Variants in STXBP5L observed in about 807,000 individuals in gnomAD.
The protein encoded by STXBP5L is syntaxin-binding protein 5-like.
In STXBP5L, 65 loss-of-function variants were observed where a neutral mutation model predicts 144.5. The observed-to-expected ratio is 0.45, with a 90% CI of 0.37 to 0.55. The LOEUF (loss-of-function observed/expected upper bound fraction) is 0.55. Among genes scored for constraint, STXBP5L ranks in the 20% least tolerant of loss-of-function variants. The pLI, the probability that STXBP5L is intolerant of heterozygous loss-of-function variation, is 0.00. For missense variants in STXBP5L, 1,298 were observed against 1,405.5 expected, an observed-to-expected ratio of 0.92 and a Z score of 1.22; for synonymous variants, 505 against 469.6, an observed-to-expected ratio of 1.08 and a Z score of -0.97.
At chr3:121,393,672 C>T (rs555320036) in intron 22 of STXBP5L, among the ~76,000 whole-genome samples, 6 of 151,964 alleles carry the variant, frequency 3.9e-5, no homozygotes, top group Non-Finnish European at 7.4e-5. Context: ...TTTGCAGAAC[C>T]ATTTATTAAG....
chr3:121,247,624 A>G (rs925334756), intron 14 of STXBP5L, among the ~76,000 whole-genome samples: 2 of 152,186 alleles, frequency 1.3e-5, no homozygotes, highest in African/African-American at 4.8e-5. Context: ...CTCCAGCTCC[A>G]TCCATGTTGC....
Position 121,004,815 on chromosome 3 carries a change from G to A in STXBP5L, c.288-36885G>A, listed in dbSNP as rs1049713746. On this transcript the variant is annotated intron_variant, in intron 3 of 26. Coordinates refer to ENST00000471454, the MANE Select transcript of STXBP5L (RefSeq NM_001308330.2). ...ATGCATCTATTGAGATAATCATGTG[G>A]GTTTTGTCATTGGTTTTATTTATAT... 5.3e-5 allele frequency among the ~76,000 whole-genome samples: 8 copies of A among 152,036 alleles called. 1 individual carries two copies. The highest frequency in any genetic ancestry group is 2.1e-4 in the South Asian group (1 of 4,820).
intron 2 of STXBP5L, among the ~76,000 whole-genome samples, chr3:120,950,836 A>T (rs1344190994): frequency 2.0e-5 from 3 of 151,946 alleles, no homozygotes; most frequent in Non-Finnish European, 4.4e-5. Flanking sequence ...AAAAAGAGCC[A>T]GCATCGCCAA....
At chr3:121,229,466 T>G (rs1375832658) in intron 11 of STXBP5L, among the ~76,000 whole-genome samples, 3 of 152,184 alleles carry the variant, frequency 2.0e-5, no homozygotes, top group Admixed American at 2.0e-4. Context: ...AACCTTAAAT[T>G]TTATTAAAAA....
intron 3 of STXBP5L, among the ~76,000 whole-genome samples, chr3:120,997,024 C>G (rs886115438): frequency 2.0e-5 from 3 of 152,142 alleles, no homozygotes; most frequent in Non-Finnish European, 2.9e-5. Context: ...TCAGCTCCCA[C>G]TTATGTAAGT....
At chr3:120,961,170 C>T (rs997323080) in intron 3 of STXBP5L, among the ~76,000 whole-genome samples, 7 of 145,822 alleles carry the variant, frequency 4.8e-5, no homozygotes, top group South Asian at 2.1e-4. Context: ...AATATAATAT[C>T]TCCTTTTTAG....
chr3:121,374,429 A>G (rs2046123242), intron 20 of STXBP5L, among the ~76,000 whole-genome samples: 2 of 152,192 alleles, frequency 1.3e-5, no homozygotes, highest in African/African-American at 4.8e-5. Flanking sequence ...CTCCAAAGGA[A>G]CACAATAATT....
chr3:121,248,443 T>C (rs985713206), intron 14 of STXBP5L, among the ~76,000 whole-genome samples: 1 of 152,246 alleles, frequency 6.6e-6, no homozygotes, highest in African/African-American at 2.4e-5. Flanking sequence ...TGTCTTCTTT[T>C]GAGAAGCATC....
intron 24 of STXBP5L, among the ~76,000 whole-genome samples, chr3:121,415,653 T>A (rs1321109024): frequency 1.3e-5 from 2 of 151,986 alleles, no homozygotes; most frequent in African/African-American, 2.4e-5. Context: ...TAAAGGAAAA[T>A]TTTAGAATGT....
rs1351274898 is a variant in STXBP5L at position 121,423,105 on chromosome 3, T to C, written c.*4008T>C. 3 of 152,284 alleles carry C rather than the reference T, an allele frequency of 2.0e-5. No homozygotes were observed. Among genetic ancestry groups the C allele is most frequent in the Admixed American group, 6.5e-5 (1 of 15,294 alleles). The allele number at this position is 152,284 out of a possible 1,614,324, so 9.4% of individuals were successfully genotyped here. ...AACCTGCTGCTATGAGAAAAAAGAA[T>C]TGTAACTTGACCATGTTGGCTCACA... On this transcript the variant is annotated 3_prime_UTR_variant, in exon 27 of 27. Transcript: ENST00000471454.
chr3:121,035,384 G>T (rs1343699119), intron 3 of STXBP5L, among the ~76,000 whole-genome samples: 1 of 152,062 alleles, frequency 6.6e-6, no homozygotes, highest in East Asian at 1.9e-4. Context: ...GTTGGTTTTT[G>T]TATATAGTGA....
intron 9 of STXBP5L, among the ~76,000 whole-genome samples, chr3:121,197,105 A>G (rs189973300): frequency 1.3e-5 from 2 of 151,990 alleles, no homozygotes; most frequent in Admixed American, 6.6e-5. Context: ...TCTTCGTTTC[A>G]TTCTTCACAA....
At chr3:121,182,133 A>G (rs2047181771) in intron 9 of STXBP5L, among the ~76,000 whole-genome samples, 1 of 152,178 alleles carries the variant, frequency 6.6e-6, no homozygotes, top group Admixed American at 6.5e-5. Flanking sequence ...GAAAGACATC[A>G]AAGAAACAGT....
At chr3:120,989,699 G>T (rs1215134848) in intron 3 of STXBP5L, among the ~76,000 whole-genome samples, 1 of 151,998 alleles carries the variant, frequency 6.6e-6, no homozygotes, top group African/African-American at 2.4e-5. Context: ...CGTATTTTGA[G>T]GCTGTGTGGT....
At chr3:121,394,257 T>C (rs904711206) in intron 22 of STXBP5L, among the ~76,000 whole-genome samples, 3 of 152,210 alleles carry the variant, frequency 2.0e-5, no homozygotes, top group African/African-American at 7.2e-5. Context: ...CTGATTTTTA[T>C]ACATTGATTT....
intron 22 of STXBP5L, among the ~76,000 whole-genome samples, chr3:121,402,508 G>T (rs917546431): frequency 2.6e-5 from 4 of 151,956 alleles, no homozygotes; most frequent in African/African-American, 4.8e-5. Flanking sequence ...GCTCTATAAT[G>T]CTTTTCTTTC....
intron 5 of STXBP5L, among the ~76,000 whole-genome samples, chr3:121,077,947 T>C (rs2042091605): frequency 6.6e-6 from 1 of 151,004 alleles, no homozygotes; most frequent in Non-Finnish European, 1.5e-5. Flanking sequence ...GACATAAAGA[T>C]TCTCCAAGTC....
At chr3:121,277,075 A>G (rs1273440883) in intron 18 of STXBP5L, among the ~76,000 whole-genome samples, 1 of 152,030 alleles carries the variant, frequency 6.6e-6, no homozygotes, top group East Asian at 1.9e-4. Flanking sequence ...AAACAAATAT[A>G]CTATAAATTG....
chr3:121,005,219 C>G (rs541472626), intron 3 of STXBP5L, among the ~76,000 whole-genome samples: 1 of 152,162 alleles, frequency 6.6e-6, no homozygotes, highest in Non-Finnish European at 1.5e-5. Flanking sequence ...ATTATTGCCT[C>G]AATTTCAGAG....
Sources: gnomAD v4.1 joint callset for allele counts (sites outside exome capture counted in the v4.1 genomes callset) on GRCh38, gnomAD v4.1.1 for gene constraint, MANE v1.5 for transcripts, NCBI Gene and HGNC (gene_info 2026-07-23, HGNC 2026-07-21) for gene names.